The following COL24A1 variants were observed in gnomAD, a reference collection of about 807,000 sequenced individuals.
COL24A1 encodes the protein collagen type XXIV alpha 1 chain.
A neutral mutation model predicts 253.9 loss-of-function variants in COL24A1; 224 were observed. The ratio of observed to expected loss-of-function variants is 0.88; its 90% confidence interval spans 0.79 to 0.99. The LOEUF is 0.99. Among genes scored for constraint, COL24A1 ranks in the 50% least tolerant of loss-of-function variants. COL24A1 has a pLI of 0.00. For synonymous variants in COL24A1, 685 were observed against 673.7 expected, an observed-to-expected ratio of 1.02 and a Z score of -0.26; for missense variants, 2,131 against 2,068.5, an observed-to-expected ratio of 1.03 and a Z score of -0.59.
chr1:86,075,457 C>T (rs542943697), intron 7 of COL24A1, among the ~76,000 whole-genome samples: 7 of 152,200 alleles, frequency 4.6e-5, no homozygotes, highest in East Asian at 3.9e-4. Flanking sequence ...CGAATTGTAA[C>T]AGAGGTACAA....
chr1:85,840,048 T>C (rs1419757454), intron 42 of COL24A1, among the ~76,000 whole-genome samples: 1 of 152,204 alleles, frequency 6.6e-6, no homozygotes, highest in African/African-American at 2.4e-5. Flanking sequence ...ATGTCAACAC[T>C]ACAATCTCTG....
At chr1:85,912,372 CA>C (rs1468136269) in intron 24 of COL24A1, among the ~76,000 whole-genome samples, 2 of 152,126 alleles carry the variant, frequency 1.3e-5, no homozygotes, top group Admixed American at 6.6e-5. Context: ...ACAAGCTTGA[CA>C]AGAACATAAT....
intron 19 of COL24A1, among the ~76,000 whole-genome samples, chr1:86,001,054 T>A (rs1410520446): frequency 6.6e-6 from 1 of 152,198 alleles, no homozygotes; most frequent in Non-Finnish European, 1.5e-5. Flanking sequence ...AAAAAATAAA[T>A]CTATGTATTA....
intron 2 of COL24A1, among the ~76,000 whole-genome samples, chr1:86,138,268 G>A (rs961418249): frequency 6.6e-6 from 1 of 152,112 alleles, no homozygotes. Context: ...ACGAATTTTG[G>A]TAAGTTCTGT....
intron 47 of COL24A1, among the ~76,000 whole-genome samples, chr1:85,808,281 T>C (rs1318500162): frequency 2.6e-5 from 4 of 152,242 alleles, no homozygotes; most frequent in Non-Finnish European, 5.9e-5. Context: ...TTTACTCATG[T>C]GTTTGGCTAG....
chr1:85,828,958 C>T (rs1674789639), intron 43 of COL24A1, among the ~76,000 whole-genome samples: 1 of 151,308 alleles, frequency 6.6e-6, no homozygotes, highest in Non-Finnish European at 1.5e-5. Flanking sequence ...GAATTTGATC[C>T]TGTCATTATG....
In COL24A1 at chr1:85,938,864, C is replaced by G. The variant is rs544462230; in HGVS notation, c.2562+22385G>C. Among the ~76,000 whole-genome samples, 48 of 152,222 alleles carry G rather than the reference C, an allele frequency of 3.2e-4. 3 individuals are homozygous for G. The highest frequency in any genetic ancestry group is 5.0e-4 in the Non-Finnish European group (34 of 68,000). On this transcript the variant is annotated intron_variant, in intron 24 of 59. Transcript: ENST00000370571. ...TACTTAAGCCTAGCATGGGACTACT[C>G]AGATGGGTCATAAAGGATTTAGAGC...
intron 23 of COL24A1, 24 bp downstream of exon 23, chr1:85,964,985 T>C (rs1251316872): frequency 1.3e-6 from 2 of 1,588,258 alleles, no homozygotes; most frequent in African/African-American, 1.3e-5. Flanking sequence ...ATTTTAAAAC[T>C]GATAATAAAG....
chr1:86,109,037 T>G (rs1015249791), intron 5 of COL24A1, among the ~76,000 whole-genome samples: 3 of 152,156 alleles, frequency 2.0e-5, no homozygotes, highest in African/African-American at 7.2e-5. Flanking sequence ...CCCTGGGTCT[T>G]GTGGAGAGGA....
rs766004437 is a variant in COL24A1, at chr1:86,063,710, C to A, written c.1752+5G>T. 4 of 1,544,176 alleles carry A rather than the reference C, an allele frequency of 2.6e-6. No individual in the cohort carries two copies. Among genetic ancestry groups the A allele is most frequent in the East Asian group, 4.8e-5 (2 of 41,752 alleles). On this transcript the variant is annotated splice_donor_5th_base_variant and intron_variant, in intron 8 of 59. Transcript: ENST00000370571. The stretch of plus-strand genomic sequence containing the variant: ...TGATACAAGTCTTATAAAGGAAGTA[C>A]CTACTTGTTCACCTGGAAGTCCTGG...
chr1:85,764,561 T>C (rs1407336888), intron 53 of COL24A1, among the ~76,000 whole-genome samples: 1 of 151,666 alleles, frequency 6.6e-6, no homozygotes, highest in South Asian at 2.1e-4. Flanking sequence ...CTATAATTTA[T>C]AGAAAAACAC....
intron 45 of COL24A1, among the ~76,000 whole-genome samples, chr1:85,823,196 AT>A (rs901712121): frequency 2.6e-5 from 4 of 151,858 alleles, no homozygotes; most frequent in Non-Finnish European, 2.9e-5. Context: ...GGTTTGACTG[AT>A]TTTTTTTACC....
chr1:85,785,230 C>A (rs2101605601), intron 48 of COL24A1, among the ~76,000 whole-genome samples: 1 of 152,234 alleles, frequency 6.6e-6, no homozygotes, highest in Non-Finnish European at 1.5e-5. Flanking sequence ...CTGTCTTTAT[C>A]CCCTAAAAGT....
chr1:85,736,079 TA>T (rs1404780666), intron 58 of COL24A1: 1 of 266,614 alleles, frequency 3.8e-6, no homozygotes, highest in Non-Finnish European at 7.5e-6. Flanking sequence ...TCCTTGTCAG[TA>T]AATTCGGGTA....
chr1:85,805,258 A>G (rs1301996429), intron 47 of COL24A1, among the ~76,000 whole-genome samples: 1 of 152,220 alleles, frequency 6.6e-6, no homozygotes, highest in Non-Finnish European at 1.5e-5. Context: ...ACTTGCATGG[A>G]AAGTGAAATG....
chr1:86,029,834 A>C (rs1698392300), intron 14 of COL24A1: 1 of 151,990 alleles, frequency 6.6e-6, no homozygotes, highest in African/African-American at 2.4e-5. Flanking sequence ...TTTTTATTTA[A>C]ATAAGGAGAA....
chr1:85,978,481 C>T (rs1046646116), intron 20 of COL24A1, among the ~76,000 whole-genome samples: 3 of 151,938 alleles, frequency 2.0e-5, no homozygotes, highest in African/African-American at 7.3e-5. Context: ...AGAGGCTCAC[C>T]TAACACATAA....
At position 86,077,705 on chromosome 1, in the gene COL24A1, G is replaced by A. The variant is rs12067560; in HGVS notation, c.1707+11469C>T. Among the ~76,000 whole-genome samples the A allele has an allele frequency of 2.1e-3, 321 of 152,222 alleles. 1 individual carries two copies. Among genetic ancestry groups the A allele is most frequent in the African/African-American group, 7.3e-3 (305 of 41,538 alleles). On this transcript the variant is annotated intron_variant, in intron 7 of 59. Transcript: ENST00000370571. The stretch of plus-strand genomic sequence containing the variant: ...TCTTTGCAGGGACATGGATGAAGCT[G>A]GAAACCATCATTCTTAGCAAACTAA...
chr1:85,732,213 G>A (rs532419950), intron 59 of COL24A1, among the ~76,000 whole-genome samples: 25 of 152,138 alleles, frequency 1.6e-4, no homozygotes, highest in African/African-American at 4.8e-4. Flanking sequence ...CTCCATGCCT[G>A]GGATTGATTT....
Sources: gnomAD v4.1 joint callset for allele counts (sites outside exome capture counted in the v4.1 genomes callset) on GRCh38, gnomAD v4.1.1 for gene constraint, MANE v1.5 for transcripts, NCBI Gene and HGNC (gene_info 2026-07-23, HGNC 2026-07-21) for gene names.